Variants in NELL1 observed in about 807,000 individuals in gnomAD.
NELL1 encodes protein kinase C-binding protein NELL1.
NELL1 carries 76 observed loss-of-function variants against 107.4 expected under a neutral mutation model. The ratio of observed to expected loss-of-function variants is 0.71; its 90% CI spans 0.59 to 0.86. NELL1 has a LOEUF of 0.86. Ranked by LOEUF, NELL1 falls within the 40% of genes least tolerant of loss-of-function variation. The pLI, the probability that NELL1 is intolerant of heterozygous loss-of-function variation, is 0.00. For synonymous variants in NELL1, 353 were observed against 341.2 expected, an observed-to-expected ratio of 1.03 and a Z score of -0.38; for missense variants, 1,024 against 1,005.5, an observed-to-expected ratio of 1.02 and a Z score of -0.25.
At chr11:20,894,016 G>A (rs183891417) in intron 5 of NELL1, among the ~76,000 whole-genome samples, 1 of 152,264 alleles carries the variant, frequency 6.6e-6, no homozygotes, top group Non-Finnish European at 1.5e-5. Context: ...GTTGTAGCCT[G>A]GCAGAATAGC....
Position 20,714,816 on chromosome 11 carries a change from T to C in NELL1, c.184+36756T>C, listed in dbSNP as rs148565858. On this transcript the variant is annotated intron_variant, in intron 2 of 19. Coordinates refer to ENST00000357134, the MANE Select transcript of NELL1 (RefSeq NM_006157.5). ...TAGGCACTTTTTAAAGCATGAGGGA[T>C]ATAACAGTGAAGAAATCAAAGACAA... 6.6e-5 allele frequency among the ~76,000 whole-genome samples: 10 copies of C among 152,314 alleles called. No individual in the cohort carries two copies. The East Asian group carries it at 1.9e-3, about 29-fold the overall frequency.
At chr11:21,031,786 C>A (rs1169230804) in intron 12 of NELL1, among the ~76,000 whole-genome samples, 1 of 151,916 alleles carries the variant, frequency 6.6e-6, no homozygotes, top group African/African-American at 2.4e-5. Flanking sequence ...TGGTGGCTCA[C>A]GCCTGTAATC....
chr11:21,551,778 C>T (rs896923083), intron 16 of NELL1, among the ~76,000 whole-genome samples: 1 of 151,408 alleles, frequency 6.6e-6, no homozygotes, highest in African/African-American at 2.4e-5. Flanking sequence ...CCAGCCATCC[C>T]ATTACTGGGT....
chr11:20,876,239 C>T (rs1849302151), intron 4 of NELL1, among the ~76,000 whole-genome samples: 1 of 152,192 alleles, frequency 6.6e-6, no homozygotes, highest in African/African-American at 2.4e-5. Context: ...TATTCATCCC[C>T]ATAGTCTCTC....
intron 3 of NELL1, among the ~76,000 whole-genome samples, chr11:20,843,994 A>G (rs146773629): frequency 1.1e-3 from 174 of 152,290 alleles, no homozygotes; most frequent in African/African-American, 3.9e-3. Flanking sequence ...TACAGGTTGG[A>G]AAAGATTTGC....
intron 16 of NELL1, among the ~76,000 whole-genome samples, chr11:21,557,964 AGAC>A (rs1423788076): frequency 6.6e-6 from 1 of 152,058 alleles, no homozygotes; most frequent in East Asian, 1.9e-4. Flanking sequence ...CTCTGGAGGT[AGAC>A]AAGTTAAACA....
intron 14 of NELL1, among the ~76,000 whole-genome samples, chr11:21,341,732 C>A (rs985438874): frequency 6.6e-6 from 1 of 152,216 alleles, no homozygotes; most frequent in Non-Finnish European, 1.5e-5. Flanking sequence ...TTAAAACTCA[C>A]TTTCTTAACT....
chr11:21,184,946 A>C (rs192320675), intron 13 of NELL1, among the ~76,000 whole-genome samples: 2 of 152,034 alleles, frequency 1.3e-5, no homozygotes, highest in East Asian at 3.9e-4. Flanking sequence ...CTTCAGATAC[A>C]GTATTTTGTT....
chr11:20,822,144 CA>C (rs891979038), intron 3 of NELL1, among the ~76,000 whole-genome samples: 2 of 152,124 alleles, frequency 1.3e-5, no homozygotes, highest in African/African-American at 2.4e-5. Context: ...GACTGAGGGT[CA>C]GGGGGCATAT....
intron 12 of NELL1, among the ~76,000 whole-genome samples, chr11:21,061,418 A>G (rs1005146901): frequency 2.0e-5 from 3 of 152,204 alleles, no homozygotes; most frequent in Non-Finnish European, 4.4e-5. Flanking sequence ...TGAAGGGTAC[A>G]CAGGAGTTGA....
chr11:20,984,630 C>T (rs1851815564), intron 12 of NELL1, among the ~76,000 whole-genome samples: 1 of 151,920 alleles, frequency 6.6e-6, no homozygotes, highest in South Asian at 2.1e-4. Context: ...ACGGCCATCT[C>T]CTCCTTTAAC....
chr11:20,933,658 C>T (rs2134180056), intron 9 of NELL1, among the ~76,000 whole-genome samples: 1 of 152,214 alleles, frequency 6.6e-6, no homozygotes, highest in African/African-American at 2.4e-5. Flanking sequence ...CAAGGGATGG[C>T]TGGAGTGTGT....
intron 16 of NELL1, among the ~76,000 whole-genome samples, chr11:21,558,857 A>C (rs1190224377): frequency 6.6e-6 from 1 of 152,068 alleles, no homozygotes; most frequent in East Asian, 1.9e-4. Context: ...AATTGAAAGA[A>C]GATTGAAGAG....
chr11:20,941,879 G>A (rs923885769), intron 10 of NELL1, among the ~76,000 whole-genome samples: 1 of 152,152 alleles, frequency 6.6e-6, no homozygotes, highest in Non-Finnish European at 1.5e-5. Context: ...TGGAAGGAAA[G>A]GCAGGAGAGC....
chr11:20,846,995 AT>A (rs1281829940), intron 3 of NELL1, among the ~76,000 whole-genome samples: 5 of 152,282 alleles, frequency 3.3e-5, no homozygotes, highest in African/African-American at 1.2e-4. Flanking sequence ...TTAATTGCAT[AT>A]TTCATTCTCT....
chr11:20,910,210 G>C (rs191362007), intron 5 of NELL1, among the ~76,000 whole-genome samples: 1 of 152,132 alleles, frequency 6.6e-6, no homozygotes, highest in Admixed American at 6.6e-5. Flanking sequence ...GCTTGTTCCC[G>C]TGGTGCTCGG....
chr11:21,065,914 A>T (rs553776233), intron 12 of NELL1, among the ~76,000 whole-genome samples: 1 of 152,334 alleles, frequency 6.6e-6, no homozygotes, highest in South Asian at 2.1e-4. Context: ...TGCTAGGACC[A>T]TTTATAAATA....
At chr11:20,705,877 T>TAAG (rs1222569199) in intron 2 of NELL1, among the ~76,000 whole-genome samples, 1 of 151,692 alleles carries the variant, frequency 6.6e-6, no homozygotes, top group Non-Finnish European at 1.5e-5. Context: ...ACACTTCTCA[T>TAAG]AAGAAGACAT....
intron 5 of NELL1, among the ~76,000 whole-genome samples, chr11:20,903,551 A>G (rs550139173): frequency 6.6e-6 from 1 of 152,238 alleles, no homozygotes; most frequent in South Asian, 2.1e-4. Context: ...ACTGACATAC[A>G]GGAAATATGT....
Sources: allele counts gnomAD v4.1 joint callset (sites outside exome capture counted in the v4.1 genomes callset), GRCh38; gene constraint gnomAD v4.1.1; transcripts MANE v1.5; gene names NCBI Gene and HGNC (gene_info 2026-07-23, HGNC 2026-07-21).